The following IFT172 variants were observed in gnomAD, a reference collection of about 807,000 sequenced individuals.
IFT172 encodes intraflagellar transport protein 172 homolog.
IFT172 carries 164 observed loss-of-function variants against 248.9 expected under a neutral mutation model. The ratio of observed to expected loss-of-function variants is 0.66; its 90% confidence interval spans 0.58 to 0.75. The LOEUF (loss-of-function observed/expected upper bound fraction) is 0.75, where lower values mean the gene tolerates loss of function less well. IFT172 is among the 30% of genes least tolerant of loss of function. The probability of loss-of-function intolerance (pLI) is 0.00; values close to 1 mark genes in which losing one functional copy is unlikely to be tolerated. For missense variants in IFT172, 1,950 were observed against 2,192.4 expected (o/e 0.89, Z 2.21); for synonymous variants, 729 against 791.6 (o/e 0.92, Z 1.33).
At chr2:27,464,908 G>A (rs1666973499) in intron 18 of IFT172, among the ~76,000 whole-genome samples, 1 of 145,702 alleles carries the variant, frequency 6.9e-6, no homozygotes, top group Non-Finnish European at 1.5e-5. Flanking sequence ...ATGAGCCGCC[G>A]TGCCCAGCCA....
At chr2:27,488,736 T>C (rs1187058355) in intron 1 of IFT172, among the ~76,000 whole-genome samples, 1 of 152,216 alleles carries the variant, frequency 6.6e-6, no homozygotes, top group African/African-American at 2.4e-5. Flanking sequence ...TTTTTTCAAA[T>C]GAAGAAGTTG....
intron 23 of IFT172, 77 bp from the exon 24 acceptor site, chr2:27,459,906 A>T: frequency 6.3e-7 from 1 of 1,576,874 alleles, no homozygotes; most frequent in Non-Finnish European, 8.6e-7. Context: ...AGGGAGATGA[A>T]GCATGGAGAA....
At chr2:27,478,355 T>C (rs1252122965) in intron 10 of IFT172, among the ~76,000 whole-genome samples, 199 bp from the exon 11 acceptor site, 1 of 152,234 alleles carries the variant, frequency 6.6e-6, no homozygotes, top group Admixed American at 6.5e-5. Context: ...TCCTATATTA[T>C]CTCTTTTGAC....
At chr2:27,486,793 AG>A (rs1293859033) in intron 1 of IFT172, among the ~76,000 whole-genome samples, 1 of 152,236 alleles carries the variant, frequency 6.6e-6, no homozygotes, top group Non-Finnish European at 1.5e-5. Context: ...GAGAGACTGA[AG>A]GAGGATTTCA....
In IFT172 at chr2:27,453,575, A is replaced by G. The variant is rs577096222; in HGVS notation, c.3821+55T>C. 7.6e-5 allele frequency: 122 copies of G among 1,608,830 alleles called. No individual in the cohort carries two copies. In the East Asian group the frequency reaches 2.5e-3, roughly 33 times the overall value. On this transcript the variant is annotated intron_variant, in intron 34 of 47. Transcript: ENST00000260570. ...GGGGGCAGCATGCTCTATCCTGTGT[A>G]TGCCTCATGACCCTCCCAGCCCTGC...
chr2:27,459,142 G>C, intron 25 of IFT172: 1 of 622,940 alleles, frequency 1.6e-6, no homozygotes, highest in Non-Finnish European at 2.7e-6. Flanking sequence ...GAAGAATCAC[G>C]CTGACTGGAA....
rs61245246 is a variant in IFT172, at chr2:27,471,663, CTG to C, written c.1525-570_1525-569del. The C allele has an allele frequency of 7.1e-4, 115 of 161,826 alleles. 2 individuals are homozygous for C. The East Asian group carries it at 0.017, about 24-fold the overall frequency. 10.0% of individuals were successfully genotyped at this position (161,826 alleles called of 1,614,324 possible). A position where few individuals can be genotyped will look rare whatever the true frequency, so the allele number is the denominator to read the frequency against. On this transcript the variant is annotated intron_variant, in intron 15 of 47. Coordinates refer to ENST00000260570, the MANE Select transcript of IFT172 (RefSeq NM_015662.3). ...TAAGGAAGTTTCCTGAGGGCACAGA[CTG>C]TGAATAGTAAGAGACACCAACTTCC...
chr2:27,448,954 C>A lies in IFT172; in HGVS notation c.4389G>T (p.Leu1463Phe). The change falls in exon 40 of 48, where the codon TTG becomes TTT. Residue 1463 changes from leucine to phenylalanine, a missense_variant. By Grantham distance (22) the Leu-to-Phe change is conservative. Coordinates refer to ENST00000260570, the MANE Select transcript of IFT172 (RefSeq NM_015662.3). ...GGGCTCCGTGCTGTACATACAGGGC[C>A]AATGCCTGGGCAGAGCTACCCTCCC... Reference protein sequence around the residue: ...LIREGSSAQALALYVQHGAPA... With the variant: ...LIREGSSAQAFALYVQHGAPA... 1.2e-6 allele frequency: 2 copies of A among 1,609,646 alleles called. No homozygotes were observed. Among genetic ancestry groups the A allele is most frequent in the Non-Finnish European group, 1.7e-6 (2 of 1,175,904 alleles).
chr2:27,447,407 A>G, intron 42 of IFT172, 108 bp downstream of exon 42: 2 of 1,436,284 alleles, frequency 1.4e-6, no homozygotes, highest in Non-Finnish European at 1.9e-6. Context: ...ACAGGTGGGG[A>G]GATTCAAGAG....
intron 6 of IFT172, 30 bp from the exon 7 acceptor site, chr2:27,483,406 G>A: frequency 1.3e-6 from 2 of 1,487,972 alleles, no homozygotes; most frequent in Non-Finnish European, 1.9e-6. Flanking sequence ...AGAAATACAG[G>A]AAGAGACTAT....
intron 8 of IFT172, among the ~76,000 whole-genome samples, chr2:27,480,754 TATA>T (rs1266229246): frequency 6.6e-6 from 1 of 152,068 alleles, no homozygotes; most frequent in East Asian, 1.9e-4. Flanking sequence ...CAAACTGTAA[TATA>T]ATGTGAGAAA....
intron 16 of IFT172, among the ~76,000 whole-genome samples, chr2:27,468,194 T>C (rs1035688435): frequency 1.1e-4 from 16 of 151,510 alleles, no homozygotes; most frequent in Non-Finnish European, 1.9e-4. Context: ...AGACACATTG[T>C]AGTGAAACTT....
chr2:27,469,710 T>C (rs552479977), intron 16 of IFT172, among the ~76,000 whole-genome samples: 24 of 152,248 alleles, frequency 1.6e-4, no homozygotes, highest in Admixed American at 1.1e-3. Context: ...CAGGTACCTG[T>C]AATCCCAGCT....
rs779084703 is a variant in IFT172, at chr2:27,477,630, T to G, written c.1168-18A>C. 7.6e-6 allele frequency: 12 copies of G among 1,572,422 alleles called. No homozygotes were observed. The highest frequency in any genetic ancestry group is 1.1e-5 in the Non-Finnish European group (12 of 1,142,100). ...CAGGCTATCTGTAACGGGAGAAGAC[T>G]TAAGAAGCAATGTGGATAAATACCC... On this transcript the variant is annotated intron_variant, in intron 11 of 47. Coordinates refer to ENST00000260570, the MANE Select transcript of IFT172 (RefSeq NM_015662.3).
chr2:27,473,369 C>CAAA (rs567775832), intron 14 of IFT172, among the ~76,000 whole-genome samples: 1 of 54,438 alleles, frequency 1.8e-5, no homozygotes, highest in Non-Finnish European at 3.8e-5. Context: ...GACTCTGTCT[C>CAAA]AAAAAAAAAA....
chr2:27,458,509 A>G (rs1666363681), intron 26 of IFT172, among the ~76,000 whole-genome samples: 1 of 152,172 alleles, frequency 6.6e-6, no homozygotes, highest in South Asian at 2.1e-4. Flanking sequence ...AAAGTCATCA[A>G]TGTGACCAGA....
intron 1 of IFT172, chr2:27,486,311 G>A (rs952585169): frequency 2.4e-5 from 4 of 167,046 alleles, no homozygotes; most frequent in African/African-American, 7.2e-5. Flanking sequence ...GACTCAGGAC[G>A]AATAATCCCA....
intron 1 of IFT172, 51 bp downstream of exon 1, chr2:27,489,564 T>G (rs1387092083): frequency 2.1e-6 from 3 of 1,458,530 alleles, no homozygotes; most frequent in South Asian, 1.1e-5. Flanking sequence ...TTCCCCCACT[T>G]TTCTTGGAAC....
chr2:27,478,069 T>G lies in IFT172; in HGVS notation c.1093A>C (p.Lys365Gln), dbSNP rs1668096996. Residue 365 changes from lysine (K) to glutamine (Q), a missense_variant, in exon 11 of 48, where the codon AAG (lysine) becomes CAG (glutamine). Around this residue, in one of 3 missense-constraint regions of IFT172, gnomAD observed 1,166 missense variants for 1,254.1 expected, o/e 0.93. Coordinates refer to ENST00000260570, the MANE Select transcript of IFT172 (RefSeq NM_015662.3). ...YEVEEVKILG[K>Q]ERYLVAHTSE... ...GTGTGAGCCACCAAGTAACGTTCCT[T>G]TCCTAGGATTTTCACCTCTTCCACC... 6.2e-7 allele frequency: 1 copy of G among 1,614,062 alleles called. No individual in the cohort carries two copies. Among genetic ancestry groups the G allele is most frequent in the African/African-American group, 1.3e-5 (1 of 74,914 alleles).
Sources: allele counts gnomAD v4.1 joint callset (sites outside exome capture counted in the v4.1 genomes callset), GRCh38; gene constraint gnomAD v4.1.1; regional missense constraint gnomAD v4.1.1; transcripts MANE v1.5; gene names NCBI Gene and HGNC (gene_info 2026-07-23, HGNC 2026-07-21).